ADAR: variants seen among roughly 807,000 people sequenced by gnomAD.
The protein encoded by ADAR is double-stranded RNA-specific adenosine deaminase.
Under a neutral mutation model 113.2 loss-of-function variants are expected in ADAR, and 41 were observed. The ratio of observed to expected loss-of-function variants is 0.36; its 90% CI spans 0.28 to 0.47. ADAR has a LOEUF of 0.47. Among genes scored for constraint, ADAR ranks in the 20% least tolerant of loss-of-function variants. ADAR has a pLI of 1.00. For missense variants in ADAR, 1,242 were observed against 1,540.9 expected, an observed-to-expected ratio of 0.81 and a Z score of 3.25; for synonymous variants, 605 against 572.6, an observed-to-expected ratio of 1.06 and a Z score of -0.81.
chr1:154,607,102 C>A (rs892047807), intron 1 of ADAR, among the ~76,000 whole-genome samples: 8 of 152,038 alleles, frequency 5.3e-5, no homozygotes, highest in Non-Finnish European at 1.2e-4. Flanking sequence ...TGCCACTCAA[C>A]AATCAATTTC....
At position 154,589,354 on chromosome 1, in the gene ADAR, T is replaced by G. The variant is rs760947414; in HGVS notation, c.2762+15A>C. 1.2e-6 allele frequency: 2 copies of G among 1,611,940 alleles called. No homozygotes were observed. Among genetic ancestry groups the G allele is most frequent in the Non-Finnish European group, 1.7e-6 (2 of 1,178,228 alleles). Reference sequence around the variant, plus strand: ...CACAGCCGGGCAGCCGGGCCACAGCTCTGACCTCGCTCACCTGATGAAGCC... The same window carrying G: ...CACAGCCGGGCAGCCGGGCCACAGCGCTGACCTCGCTCACCTGATGAAGCC... On this transcript the variant is annotated intron_variant, in intron 9 of 14. Transcript: ENST00000368474.
intron 2 of ADAR, among the ~76,000 whole-genome samples, chr1:154,599,449 G>A (rs143679094): frequency 6.6e-6 from 1 of 152,256 alleles, no homozygotes; most frequent in Non-Finnish European, 1.5e-5. Context: ...AGAGAATGAC[G>A]GCCATCCAGT....
upstream of ADAR, among the ~76,000 whole-genome samples, chr1:154,609,175 T>C (rs924474714): frequency 6.6e-6 from 1 of 152,188 alleles, no homozygotes; most frequent in African/African-American, 2.4e-5. Flanking sequence ...TAAAGCTCAG[T>C]CTTCAGCGCT....
Position 154,602,112 on chromosome 1 carries a change from T to C in ADAR, c.530A>G (p.Tyr177Cys), listed in dbSNP as rs1697921742. Residue 177 changes from tyrosine to cysteine, a missense_variant, in exon 2 of 15, where the codon TAC (tyrosine) becomes TGC (cysteine). Physicochemically the swap from Tyr to Cys is radical, Grantham distance 194. Coordinates refer to ENST00000368474, the MANE Select transcript of ADAR (RefSeq NM_001111.5). ...TAGCTTGCCCTTCTTTGCCAGGGAG[T>C]ATAAAACTCGATTGATTTCTTTCTT... ...TPKKEINRVL[Y>C]SLAKKGKLQK... 1.2e-6 allele frequency: 2 copies of C among 1,614,008 alleles called. No homozygotes were observed. The highest frequency in any genetic ancestry group is 1.7e-6 in the Non-Finnish European group (2 of 1,180,002).
In ADAR at chr1:154,602,618, G is replaced by A; in HGVS notation, c.24C>T (p.Ser8=). 6.2e-7 allele frequency: 1 copy of A among 1,613,964 alleles called. No individual in the cohort carries two copies. Among genetic ancestry groups the A allele is most frequent in the Non-Finnish European group, 8.5e-7 (1 of 1,180,022 alleles). MNPRQGY[S]LSGYYTHPFQ... is the part of the protein sequence containing the mutation. ...ATGGATGGGTGTAGTATCCGCTGAG[G>A]GAATACCCCTGCAGAATAAGACAGT... Residue 8 remains serine (S), a synonymous_variant, in exon 2 of 15, where the codon TCC becomes TCT. Transcript: ENST00000368474.
intron 1 of ADAR, among the ~76,000 whole-genome samples, chr1:154,618,069 T>C (rs1047472047): frequency 6.6e-6 from 1 of 150,652 alleles, no homozygotes; most frequent in Non-Finnish European, 1.5e-5. Context: ...TATATATTCT[T>C]TATATAGTAA....
Position 154,589,363 on chromosome 1 carries a change from G to C in ADAR, c.2762+6C>G, listed in dbSNP as rs371450928. ...GCAGCCGGGCCACAGCTCTGACCTC[G>C]CTCACCTGATGAAGCCTCTCCGGGA... On this transcript the variant is annotated splice_donor_region_variant and intron_variant, in intron 9 of 14. Coordinates refer to ENST00000368474, the MANE Select transcript of ADAR (RefSeq NM_001111.5). 1 of 1,613,080 alleles carries C rather than the reference G, an allele frequency of 6.2e-7. No individual in the cohort carries two copies.
At chr1:154,590,551 C>G (rs1697076723) in intron 6 of ADAR, 142 bp from the exon 7 acceptor site, 29 of 801,674 alleles carry the variant, frequency 3.6e-5, no homozygotes, top group Non-Finnish European at 6.1e-5. Context: ...GCAGCATTTC[C>G]TAGATTTTGG....
chr1:154,585,798 T>C lies in ADAR; in HGVS notation c.3270A>G (p.Ala1090=), dbSNP rs1571048904. The change falls in exon 13 of 15, where the codon GCA becomes GCG. Residue 1090 remains alanine, a synonymous_variant. Transcript: ENST00000368474. The part of the protein sequence containing the change: ...ICCRVTRDGS[A]FEDGLRHPFI... ...AGGGATGTCGTAGTCCATCCTCAAATGCACTCCCATCTCTTGTCACACGAC... is the reference window on the plus strand; with the variant it reads ...AGGGATGTCGTAGTCCATCCTCAAACGCACTCCCATCTCTTGTCACACGAC... The C allele has an allele frequency of 1.2e-6, 2 of 1,614,040 alleles. No homozygotes were observed. Among genetic ancestry groups the C allele is most frequent in the Non-Finnish European group, 1.7e-6 (2 of 1,179,902 alleles).
chr1:154,591,912 G>A (rs976866708), intron 6 of ADAR, among the ~76,000 whole-genome samples: 3 of 152,238 alleles, frequency 2.0e-5, no homozygotes, highest in African/African-American at 7.2e-5. Flanking sequence ...AAAGAAGATG[G>A]TGAAGGCGGT....
rs1696465536 is a variant in ADAR at position 154,582,459 on chromosome 1, G to C, written c.*2347C>G. 1 of 105,532 alleles carries C rather than the reference G, an allele frequency of 9.5e-6. No individual in the cohort carries two copies. The highest frequency in any genetic ancestry group is 1.2e-4 in the Admixed American group (1 of 8,438). 6.5% of individuals were successfully genotyped at this position (105,532 alleles called of 1,614,324 possible). ...AGTGGGCAGAAGCTCTGCCTCCTCT[G>C]TCCTGTGTGACTCAGAGGGGCATGG... On this transcript the variant is annotated 3_prime_UTR_variant, in exon 15 of 15. Transcript: ENST00000368474.
intron 1 of ADAR, among the ~76,000 whole-genome samples, chr1:154,623,430 TAA>T (rs1698847608): frequency 6.6e-6 from 1 of 151,922 alleles, no homozygotes. Flanking sequence ...AGAAGTGAGA[TAA>T]GAGCACACAT....
chr1:154,589,077 G>A (rs1557869230), intron 9 of ADAR, among the ~76,000 whole-genome samples: 1 of 152,226 alleles, frequency 6.6e-6, no homozygotes, highest in East Asian at 1.9e-4. Context: ...TCAAGGCCCT[G>A]AGGACTAAAA....
chr1:154,602,972 C>T (rs548663219), intron 1 of ADAR, among the ~76,000 whole-genome samples: 2 of 152,166 alleles, frequency 1.3e-5, no homozygotes, highest in Admixed American at 6.5e-5. Flanking sequence ...AAAACAATTA[C>T]CCCTTTAAAA....
upstream of ADAR, among the ~76,000 whole-genome samples, chr1:154,608,412 T>C (rs2101672619): frequency 6.9e-6 from 1 of 145,818 alleles, no homozygotes. Flanking sequence ...CACTGCAACC[T>C]CTGCCCCCCG....
intron 1 of ADAR, among the ~76,000 whole-genome samples, chr1:154,605,823 TCTC>T (rs1196891258): frequency 6.6e-6 from 1 of 152,124 alleles, no homozygotes; most frequent in Non-Finnish European, 1.5e-5. Context: ...ACTTAGGGGT[TCTC>T]CTATTAGCTC....
intron 6 of ADAR, 142 bp from the exon 7 acceptor site, chr1:154,590,551 C>T (rs1697076723): frequency 1.2e-6 from 1 of 801,674 alleles, no homozygotes. Context: ...GCAGCATTTC[C>T]TAGATTTTGG....
chr1:154,607,982 C>T lies in ADAR; in HGVS notation c.15+10G>A, dbSNP rs58655370. On this transcript the variant is annotated intron_variant, in intron 1 of 14. Transcript: ENST00000368474. Reference sequence around the variant, plus strand: ...GACGGCGGCGAAGGTCCAAGGCCGGCCCGGCTTACCTGCCGCGGATTCATT... The same window carrying T: ...GACGGCGGCGAAGGTCCAAGGCCGGTCCGGCTTACCTGCCGCGGATTCATT... 1.2e-5 allele frequency: 19 copies of T among 1,609,144 alleles called. No homozygotes were observed. The highest frequency in any genetic ancestry group is 1.4e-5 in the Non-Finnish European group (16 of 1,178,102).
chr1:154,594,301 A>G (rs1299477885), intron 6 of ADAR, among the ~76,000 whole-genome samples: 1 of 151,842 alleles, frequency 6.6e-6, no homozygotes, highest in Non-Finnish European at 1.5e-5. Flanking sequence ...AAATTCAAAC[A>G]GTTAAGAGTG....
Sources: gnomAD v4.1 joint callset for allele counts (sites outside exome capture counted in the v4.1 genomes callset) on GRCh38, gnomAD v4.1.1 for gene constraint, MANE v1.5 for transcripts, NCBI Gene and HGNC (gene_info 2026-07-23, HGNC 2026-07-21) for gene names.